The following CD226 variants were observed in gnomAD, a reference collection of about 807,000 sequenced individuals.
CD226 encodes CD226 antigen.
CD226 carries 24 observed loss-of-function variants against 34.9 expected under a neutral mutation model. The observed-to-expected ratio is 0.69, with a 90% CI of 0.50 to 0.97. CD226 has a LOEUF of 0.97. CD226 is among the 50% of genes least tolerant of loss of function. The pLI is 0.00. For missense variants in CD226, 397 were observed against 412.7 expected (o/e 0.96, Z 0.33); for synonymous variants, 148 against 147.4 (o/e 1.00, Z -0.03).
rs1982571521 is a variant in CD226, at chr18:69,855,032, T to C, written c.*9282A>G. The stretch of plus-strand genomic sequence containing the variant: ...ACAGACTTTAAACACAGTCTAATAG[T>C]TAGTCAGATTAAGATAAGTCTGCAA... On this transcript the variant is annotated 3_prime_UTR_variant, in exon 6 of 6. Transcript: ENST00000582621. The C allele has an allele frequency of 6.6e-6, 1 of 152,166 alleles. No homozygotes were observed. Among genetic ancestry groups the C allele is most frequent in the Non-Finnish European group, 1.5e-5 (1 of 68,032 alleles). 9.4% of individuals were successfully genotyped at this position (152,166 alleles called of 1,614,324 possible).
At chr18:69,951,461 C>A (rs2055853640), upstream of CD226, among the ~76,000 whole-genome samples, 1 of 152,078 alleles carries the variant, frequency 6.6e-6, no homozygotes, top group Non-Finnish European at 1.5e-5. Flanking sequence ...AGAATGCTGT[C>A]CTGGTTACCA....
At chr18:69,884,339 T>A (rs1396229115) in intron 3 of CD226, among the ~76,000 whole-genome samples, 1 of 152,172 alleles carries the variant, frequency 6.6e-6, no homozygotes, top group Non-Finnish European at 1.5e-5. Context: ...CAGAATGGCA[T>A]TGAGAAACAC....
Position 69,860,295 on chromosome 18 carries a change from T to C in CD226, c.*4019A>G, listed in dbSNP as rs907658165. ...TACAAGACAAAGGAAAATATTTCTA[T>C]ACCCTACAAGAACCAAAAATCCAAA... On this transcript the variant is annotated 3_prime_UTR_variant, in exon 6 of 6. Transcript: ENST00000582621. The C allele has an allele frequency of 2.0e-5, 3 of 152,188 alleles. No individual in the cohort carries two copies. Among genetic ancestry groups the C allele is most frequent in the African/African-American group, 7.2e-5 (3 of 41,462 alleles). The allele number at this position is 152,188 out of a possible 1,614,324, so 9.4% of individuals were successfully genotyped here.
chr18:69,946,256 A>AAG (rs910041203), intron 2 of CD226, among the ~76,000 whole-genome samples: 3 of 150,366 alleles, frequency 2.0e-5, no homozygotes, highest in African/African-American at 4.9e-5. Context: ...AAAAGAAAGA[A>AAG]AGAGAGAGAG....
chr18:69,893,541 A>G (rs947715978), intron 3 of CD226, among the ~76,000 whole-genome samples: 1 of 152,188 alleles, frequency 6.6e-6, no homozygotes, highest in African/African-American at 2.4e-5. Flanking sequence ...ACTTTTCTGA[A>G]TAGAACATTT....
At chr18:69,884,296 A>G (rs1486151952) in intron 3 of CD226, among the ~76,000 whole-genome samples, 2 of 152,156 alleles carry the variant, frequency 1.3e-5, no homozygotes, top group Non-Finnish European at 2.9e-5. Context: ...TCTTTCAGCA[A>G]GCATACCAGA....
intron 3 of CD226, among the ~76,000 whole-genome samples, chr18:69,883,413 T>C (rs1198970518): frequency 6.6e-6 from 1 of 152,160 alleles, no homozygotes; most frequent in Non-Finnish European, 1.5e-5. Flanking sequence ...AAGAGTATAA[T>C]GGCACAAGGT....
chr18:69,855,467 A>T lies in CD226; in HGVS notation c.*8847T>A, dbSNP rs1982584621. Reference sequence around the variant, plus strand: ...TAGAAACTTTTCAAACTAAAATTCAAAGAGTGGGAAAAACCCAGAATATTC... The same window carrying T: ...TAGAAACTTTTCAAACTAAAATTCATAGAGTGGGAAAAACCCAGAATATTC... On this transcript the variant is annotated 3_prime_UTR_variant, in exon 6 of 6. Transcript: ENST00000582621. 1 of 152,226 alleles carries T rather than the reference A, an allele frequency of 6.6e-6. No homozygotes were observed. 9.4% of individuals were successfully genotyped at this position (152,226 alleles called of 1,614,324 possible).
At chr18:69,903,203 C>T (rs1568182943) in intron 2 of CD226, among the ~76,000 whole-genome samples, 1 of 152,138 alleles carries the variant, frequency 6.6e-6, no homozygotes, top group South Asian at 2.1e-4. Flanking sequence ...CCTTTGCCTG[C>T]CTCATAGTTC....
intron 2 of CD226, among the ~76,000 whole-genome samples, chr18:69,909,520 A>T (rs907466891): frequency 6.6e-6 from 1 of 152,258 alleles, no homozygotes; most frequent in Non-Finnish European, 1.5e-5. Flanking sequence ...AAGAGGCTGA[A>T]ATTATTTAGT....
At chr18:69,924,448 G>A (rs1349636906) in intron 2 of CD226, among the ~76,000 whole-genome samples, 2 of 151,456 alleles carry the variant, frequency 1.3e-5, no homozygotes, top group Non-Finnish European at 1.5e-5. Context: ...GGAAATTTTT[G>A]CATAATTACA....
At chr18:69,954,901 T>C (rs939815838) in intron 1 of CD226, among the ~76,000 whole-genome samples, 2 of 152,212 alleles carry the variant, frequency 1.3e-5, no homozygotes, top group Non-Finnish European at 2.9e-5. Context: ...CTATTTTTGT[T>C]GTGTCAGCAG....
At chr18:69,954,346 G>A (rs1355383759) in intron 1 of CD226, among the ~76,000 whole-genome samples, 1 of 152,222 alleles carries the variant, frequency 6.6e-6, no homozygotes, top group African/African-American at 2.4e-5. Context: ...AGTCGAGGTT[G>A]TCAGATAAAT....
At position 69,946,912 on chromosome 18, in the gene CD226, G is replaced by T; in HGVS notation, c.204C>A (p.Gly68=). 6.2e-7 allele frequency: 1 copy of T among 1,614,152 alleles called. No homozygotes were observed. Among genetic ancestry groups the T allele is most frequent in the Non-Finnish European group, 8.5e-7 (1 of 1,180,022 alleles). Reference sequence around the variant, plus strand: ...CAGCATAGGGCTTCCTTATGACCATGCCATGAGTAGGGCTGAAAATGGCTA... The same window carrying T: ...CAGCATAGGGCTTCCTTATGACCATTCCATGAGTAGGGCTGAAAATGGCTA... The part of the protein sequence containing the change: ...DSIAIFSPTH[G]MVIRKPYAER... Residue 68 remains glycine (G), a synonymous_variant, in exon 2 of 6, where the codon GGC becomes GGA. Coordinates refer to ENST00000582621, the MANE Select transcript of CD226 (RefSeq NM_001303618.2).
In CD226 at chr18:69,925,063, A is replaced by T. The variant is rs565232048; in HGVS notation, c.382+21671T>A. Among the ~76,000 whole-genome samples the T allele has an allele frequency of 2.0e-5, 3 of 152,354 alleles. No individual in the cohort carries two copies. In the East Asian group the frequency reaches 5.8e-4, roughly 29 times the overall value. ...TGACCTAACTCATGAACTGAACAAAACGTTCTCACCGGGAACAAAAATCCT... is the reference window on the plus strand; with the variant it reads ...TGACCTAACTCATGAACTGAACAAATCGTTCTCACCGGGAACAAAAATCCT... On this transcript the variant is annotated intron_variant, in intron 2 of 5. Coordinates refer to ENST00000582621, the MANE Select transcript of CD226 (RefSeq NM_001303618.2).
At chr18:69,948,263 A>G (rs2055816708), upstream of CD226, among the ~76,000 whole-genome samples, 1 of 152,138 alleles carries the variant, frequency 6.6e-6, no homozygotes. Flanking sequence ...TACAAGTTCC[A>G]ATTCTTAAGA....
chr18:69,887,240 T>C (rs1030760761), intron 3 of CD226, among the ~76,000 whole-genome samples: 1 of 152,098 alleles, frequency 6.6e-6, no homozygotes, highest in Non-Finnish European at 1.5e-5. Context: ...TGTTGAGTGT[T>C]TACCATACGG....
chr18:69,937,493 C>T (rs1054602617), intron 2 of CD226, among the ~76,000 whole-genome samples: 18 of 152,180 alleles, frequency 1.2e-4, no homozygotes, highest in South Asian at 4.2e-4. Flanking sequence ...GACTACAATG[C>T]GACTTATTTT....
chr18:69,861,502 T>C lies in CD226; in HGVS notation c.*2812A>G, dbSNP rs1041897533. The C allele has an allele frequency of 6.8e-6, 1 of 147,466 alleles. No homozygotes were observed. Among genetic ancestry groups the C allele is most frequent in the Non-Finnish European group, 1.5e-5 (1 of 66,982 alleles). The allele number at this position is 147,466 out of a possible 1,614,324, so 9.1% of individuals were successfully genotyped here. On this transcript the variant is annotated 3_prime_UTR_variant, in exon 6 of 6. Transcript: ENST00000582621. ...ATATTAATGGCATTCAAAGGAAGCA[T>C]AGATTCTTAATGTATTATCCATCGA...
Sources: gnomAD v4.1 joint callset for allele counts (sites outside exome capture counted in the v4.1 genomes callset) on GRCh38, gnomAD v4.1.1 for gene constraint, MANE v1.5 for transcripts, NCBI Gene and HGNC (gene_info 2026-07-23, HGNC 2026-07-21) for gene names.